Variants in RFC3 observed in about 807,000 individuals in gnomAD.
RFC3 encodes A1 38 kDa subunit.
A neutral mutation model predicts 45.1 loss-of-function variants in RFC3; 41 were observed. The observed-to-expected ratio is 0.91, with a 90% CI of 0.71 to 1.18. The LOEUF is 1.18. Among genes scored for constraint, RFC3 ranks in the 50% most tolerant of loss-of-function variants. The probability of loss-of-function intolerance (pLI) is 0.00; values close to 1 mark genes in which losing one functional copy is unlikely to be tolerated. For missense variants in RFC3, 423 were observed against 428.1 expected (o/e 0.99, Z 0.10); for synonymous variants, 149 against 144.0 (o/e 1.03, Z -0.25).
intron 8 of RFC3, among the ~76,000 whole-genome samples, chr13:33,878,490 C>T (rs75604558): frequency 0.012 from 1,762 of 152,242 alleles, 37 homozygotes; most frequent in African/African-American, 0.04. Context: ...TCAAGGATCA[C>T]TGAGCTTTCC....
downstream of RFC3, among the ~76,000 whole-genome samples, chr13:33,838,145 G>C (rs1312389519): frequency 6.6e-6 from 1 of 151,906 alleles, no homozygotes; most frequent in Non-Finnish European, 1.5e-5. Flanking sequence ...TCGTTCTTAG[G>C]TACTTGAATA....
Position 33,928,187 on chromosome 13 carries a change from C to G in RFC3, c.880-37900C>G, listed in dbSNP as rs374229481. ...GCTTACCTAGTATTCCCAACCACTT[C>G]TCTCAGGAAAGGGGTGAGGAGACAA... is the stretch of plus-strand genomic sequence containing the variant. On this transcript the variant is annotated intron_variant, in intron 8 of 8. Transcript: ENST00000434425. Among the ~76,000 whole-genome samples the G allele has an allele frequency of 9.9e-5, 15 of 152,196 alleles. No individual in the cohort carries two copies. The East Asian group carries it at 1.7e-3, about 18-fold the overall frequency.
chr13:33,901,091 T>C (rs1046803805), intron 8 of RFC3, among the ~76,000 whole-genome samples: 19 of 152,038 alleles, frequency 1.2e-4, no homozygotes, highest in African/African-American at 3.6e-4. Context: ...ACGCTGCCGG[T>C]GGAAATGTAA....
intron 8 of RFC3, among the ~76,000 whole-genome samples, chr13:33,936,659 A>G (rs549352537): frequency 6.6e-6 from 1 of 152,274 alleles, no homozygotes; most frequent in South Asian, 2.1e-4. Flanking sequence ...CTAGCAAATT[A>G]CCAGAAGCCA....
chr13:33,956,965 A>G (rs976835023), intron 8 of RFC3, among the ~76,000 whole-genome samples: 8 of 152,032 alleles, frequency 5.3e-5, no homozygotes, highest in East Asian at 1.9e-4. Context: ...CTTCTCCATC[A>G]TCATCTCATC....
intron 1 of RFC3, among the ~76,000 whole-genome samples, chr13:33,818,791 C>G (rs189991361): frequency 6.6e-6 from 1 of 151,104 alleles, no homozygotes; most frequent in Non-Finnish European, 1.5e-5. Flanking sequence ...ATGTCATTGT[C>G]ATTTACAAGT....
chr13:33,851,368 A>T (rs1225559723), intron 8 of RFC3, among the ~76,000 whole-genome samples: 2 of 152,194 alleles, frequency 1.3e-5, no homozygotes, highest in African/African-American at 4.8e-5. Flanking sequence ...AACTTAATAG[A>T]CTAATGTTGA....
chr13:33,832,941 T>C (rs1198566882), intron 7 of RFC3, among the ~76,000 whole-genome samples: 2 of 152,212 alleles, frequency 1.3e-5, no homozygotes, highest in Non-Finnish European at 1.5e-5. Context: ...GCTTAATTCT[T>C]CTAGCTGCTG....
chr13:33,915,369 C>T (rs1230626714), intron 8 of RFC3, among the ~76,000 whole-genome samples: 1 of 152,114 alleles, frequency 6.6e-6, no homozygotes, highest in Non-Finnish European at 1.5e-5. Flanking sequence ...ATATCTCTTT[C>T]TATATATTTG....
intron 3 of RFC3, among the ~76,000 whole-genome samples, chr13:33,824,568 G>T (rs1333834308): frequency 6.6e-6 from 1 of 152,096 alleles, no homozygotes; most frequent in East Asian, 1.9e-4. Context: ...GCTATGATCT[G>T]TGGGGCTGTA....
At chr13:33,892,184 A>C (rs1416765837) in intron 8 of RFC3, among the ~76,000 whole-genome samples, 1 of 152,102 alleles carries the variant, frequency 6.6e-6, no homozygotes, top group African/African-American at 2.4e-5. Context: ...GAAATACAGA[A>C]ATTTGCTGTT....
chr13:33,937,068 A>G (rs1018786267), intron 8 of RFC3, among the ~76,000 whole-genome samples: 2 of 152,188 alleles, frequency 1.3e-5, no homozygotes, highest in African/African-American at 2.4e-5. Context: ...ATACTAAATC[A>G]TCAGGTTGTA....
intron 8 of RFC3, among the ~76,000 whole-genome samples, chr13:33,954,573 TG>T (rs1352194307): frequency 6.6e-6 from 1 of 152,224 alleles, no homozygotes; most frequent in African/African-American, 2.4e-5. Context: ...TACAATAGTC[TG>T]GGTAGTTTAA....
chr13:33,972,053 T>A, the RFC3 span, among the ~76,000 whole-genome samples: 1 of 152,180 alleles, frequency 6.6e-6, no homozygotes, highest in Non-Finnish European at 1.5e-5. Flanking sequence ...CAATGGAGGT[T>A]GGCAGTGAGC....
intron 7 of RFC3, among the ~76,000 whole-genome samples, chr13:33,834,302 A>ATG (rs1165929081): frequency 7.4e-5 from 1 of 13,492 alleles, no homozygotes; most frequent in Non-Finnish European, 3.3e-4. Flanking sequence ...CTGTGTGTAT[A>ATG]TATATATATA....
intron 8 of RFC3, among the ~76,000 whole-genome samples, chr13:33,911,970 T>TGCAAA (rs2082706226): frequency 6.6e-6 from 1 of 152,082 alleles, no homozygotes; most frequent in Non-Finnish European, 1.5e-5. Context: ...ATACTACCAC[T>TGCAAA]TCTCCTCATT....
At position 33,830,799 on chromosome 13, in the gene RFC3, G is replaced by T. The variant is rs1293065042; in HGVS notation, c.654G>T (p.Lys218Asn). Residue 218 changes from lysine (K) to asparagine (N), a missense_variant, in exon 6 of 9, where the codon AAG becomes AAT. By Grantham distance (94) the Lys-to-Asn change is moderately conservative. Transcript: ENST00000380071. ...PSQLAHRLAE[K>N]SCRNLRKALL... ...AACTGGCTCATAGACTTGCAGAGAA[G>T]TCTTGTAGAAATCTCAGAAAAGCCC... is the stretch of plus-strand genomic sequence containing the variant. 6.2e-7 allele frequency: 1 copy of T among 1,613,660 alleles called. No individual in the cohort carries two copies.
At chr13:33,899,088 A>C (rs2082620477) in intron 8 of RFC3, among the ~76,000 whole-genome samples, 1 of 151,644 alleles carries the variant, frequency 6.6e-6, no homozygotes, top group Middle Eastern at 3.4e-3. Context: ...AAGAAGAACT[A>C]ACACCAATTC....
chr13:33,975,867 T>C, the RFC3 span, among the ~76,000 whole-genome samples: 2 of 152,240 alleles, frequency 1.3e-5, no homozygotes, highest in Middle Eastern at 3.2e-3. Flanking sequence ...TTTCTTGCTC[T>C]GTCAGCAGAG....
Sources: allele counts gnomAD v4.1 joint callset (sites outside exome capture counted in the v4.1 genomes callset), GRCh38; gene constraint gnomAD v4.1.1; transcripts MANE v1.5; gene names NCBI Gene and HGNC (gene_info 2026-07-23, HGNC 2026-07-21).